The following SLCO1C1 variants were observed in gnomAD, a reference collection of about 807,000 sequenced individuals.
The protein encoded by SLCO1C1 is solute carrier organic anion transporter family member 1C1, also known as OAT-RP-5.
SLCO1C1 carries 70 observed loss-of-function variants against 76.4 expected under a neutral mutation model. The observed-to-expected ratio is 0.92, with a 90% CI of 0.76 to 1.12. The LOEUF is 1.12. Ranked by LOEUF, SLCO1C1 falls within the 50% of genes most tolerant of loss-of-function variation. SLCO1C1 has a pLI of 0.00. For synonymous variants in SLCO1C1, 306 were observed against 286.1 expected, an observed-to-expected ratio of 1.07 and a Z score of -0.70; for missense variants, 912 against 823.8, an observed-to-expected ratio of 1.11 and a Z score of -1.31.
chr12:20,740,916 G>C (rs1316145156), intron 12 of SLCO1C1, among the ~76,000 whole-genome samples: 1 of 150,008 alleles, frequency 6.7e-6, no homozygotes, highest in South Asian at 2.1e-4. Flanking sequence ...GTTAATGACT[G>C]TATTATTCCA....
chr12:20,740,246 A>G lies in SLCO1C1; in HGVS notation c.1611A>G (p.Ile537Met), dbSNP rs867227703. 3 of 1,613,924 alleles carry G rather than the reference A, an allele frequency of 1.9e-6. No homozygotes were observed. Among genetic ancestry groups the G allele is most frequent in the Non-Finnish European group, 8.5e-7 (1 of 1,179,922 alleles). Residue 537 changes from isoleucine to methionine, a missense_variant, in exon 12 of 15, where the codon ATA becomes ATG. Coordinates refer to ENST00000266509, the MANE Select transcript of SLCO1C1 (RefSeq NM_017435.5). ...AASKSGNSSG[I>M]VGRCQKDNGC... is the part of the protein sequence containing the mutation. ...CTAAATCCGGAAATTCCTCAGGCATAGTGGGAAGATGTCAGAAAGACAATG... is the reference window on the plus strand; with the variant it reads ...CTAAATCCGGAAATTCCTCAGGCATGGTGGGAAGATGTCAGAAAGACAATG...
At chr12:20,744,298 C>T (rs908264346) in intron 13 of SLCO1C1, among the ~76,000 whole-genome samples, 1 of 151,992 alleles carries the variant, frequency 6.6e-6, no homozygotes, top group African/African-American at 2.4e-5. Flanking sequence ...ATGGAGCCTA[C>T]AGAGCAAAAA....
At chr12:20,752,274 T>C (rs1362296840) in intron 14 of SLCO1C1, 32 bp from the exon 15 acceptor site, 7 of 1,395,424 alleles carry the variant, frequency 5.0e-6, no homozygotes, top group Non-Finnish European at 6.8e-6. Context: ...GGTTGTTGCA[T>C]TAATTATAAC....
intron 13 of SLCO1C1, among the ~76,000 whole-genome samples, chr12:20,747,511 A>T (rs529929458): frequency 6.6e-6 from 1 of 152,308 alleles, no homozygotes; most frequent in Non-Finnish European, 1.5e-5. Flanking sequence ...ATGATGGTAC[A>T]TGAGGGTTAA....
intron 11 of SLCO1C1, among the ~76,000 whole-genome samples, chr12:20,737,545 A>G (rs1301904721): frequency 6.6e-6 from 1 of 152,212 alleles, no homozygotes; most frequent in African/African-American, 2.4e-5. Flanking sequence ...AAGAAGTGTT[A>G]GCCCTGAATT....
Position 20,721,684 on chromosome 12 carries a change from G to A in SLCO1C1, c.776-120G>A, listed in dbSNP as rs1300552305. On this transcript the variant is annotated intron_variant, in intron 7 of 14. Coordinates refer to ENST00000266509, the MANE Select transcript of SLCO1C1 (RefSeq NM_017435.5). The stretch of plus-strand genomic sequence containing the variant: ...TCCAGATAAAAAAAAAAATAGCATA[G>A]ATGAATTATTAGGTATTTTATGATG... The A allele has an allele frequency of 1.6e-6, 2 of 1,246,176 alleles. 1 individual carries two copies. The highest frequency in any genetic ancestry group is 3.0e-5 in the African/African-American group (2 of 65,722). The allele number at this position is 1,246,176 out of a possible 1,614,324, so 77.2% of individuals were successfully genotyped here. A position where few individuals can be genotyped will look rare whatever the true frequency, so the allele number is the denominator to read the frequency against.
At chr12:20,736,244 T>C (rs1326593014) in intron 10 of SLCO1C1, among the ~76,000 whole-genome samples, 1 of 133,418 alleles carries the variant, frequency 7.5e-6, no homozygotes, top group African/African-American at 2.6e-5. Context: ...GAAGGATAAA[T>C]ATAAAAGCGA....
intron 5 of SLCO1C1, among the ~76,000 whole-genome samples, chr12:20,713,245 A>C (rs1186813883): frequency 6.6e-6 from 1 of 151,506 alleles, no homozygotes; most frequent in Non-Finnish European, 1.5e-5. Flanking sequence ...ACGCCCGGCT[A>C]ATTTTTTGTA....
chr12:20,710,970 A>G (rs1947066388), intron 4 of SLCO1C1, among the ~76,000 whole-genome samples: 1 of 152,174 alleles, frequency 6.6e-6, no homozygotes, highest in Non-Finnish European at 1.5e-5. Context: ...GTACGTGTAA[A>G]GCAGGAGTGT....
rs371982546 is a variant in SLCO1C1, at chr12:20,737,115, C to A, written c.1391C>A (p.Pro464His). ...GTTATATTTCTTTTCAGAACCAAAC[C>A]TGTCTCTTATCATGAACGAGCTCTC... is the stretch of plus-strand genomic sequence containing the variant. ...GLTVSYQGTKPVSYHERALFS... is the reference protein window; with the variant it reads ...GLTVSYQGTKHVSYHERALFS... The change falls in exon 11 of 15, where the codon CCT becomes CAT. Residue 464 changes from proline (P) to histidine (H), a missense_variant. Coordinates refer to ENST00000266509, the MANE Select transcript of SLCO1C1 (RefSeq NM_017435.5). 2 of 1,519,534 alleles carry A rather than the reference C, an allele frequency of 1.3e-6. No individual in the cohort carries two copies. Among genetic ancestry groups the A allele is most frequent in the Non-Finnish European group, 1.8e-6 (2 of 1,141,608 alleles). 94.1% of individuals were successfully genotyped at this position (1,519,534 alleles called of 1,614,324 possible). A position where few individuals can be genotyped will look rare whatever the true frequency, so the allele number is the denominator to read the frequency against.
chr12:20,735,442 G>A (rs563549472), intron 10 of SLCO1C1, among the ~76,000 whole-genome samples: 1 of 152,282 alleles, frequency 6.6e-6, no homozygotes, highest in South Asian at 2.1e-4. Context: ...TTACTCCAAT[G>A]TTCCCTCCAG....
intron 9 of SLCO1C1, among the ~76,000 whole-genome samples, chr12:20,728,206 G>A (rs1353408876): frequency 6.6e-6 from 1 of 152,046 alleles, no homozygotes; most frequent in African/African-American, 2.4e-5. Context: ...TGATGATAAG[G>A]GGTCCAGTTT....
chr12:20,700,203 G>A (rs1373788715), intron 2 of SLCO1C1: 1 of 151,284 alleles, frequency 6.6e-6, no homozygotes, highest in African/African-American at 2.4e-5. Flanking sequence ...CACTAACCAT[G>A]TACAAAGATT....
intron 8 of SLCO1C1, 137 bp downstream of exon 8, chr12:20,722,186 G>A: frequency 8.4e-7 from 1 of 1,197,162 alleles, no homozygotes; most frequent in South Asian, 1.6e-5. Flanking sequence ...GGAAATTGAT[G>A]TCAGCTTTAT....
intron 5 of SLCO1C1, among the ~76,000 whole-genome samples, chr12:20,714,877 GA>G (rs1213626046): frequency 6.6e-6 from 1 of 152,128 alleles, no homozygotes; most frequent in Non-Finnish European, 1.5e-5. Context: ...GAAATGAGAA[GA>G]AGAGAGAGAA....
At chr12:20,737,351 G>T in intron 11 of SLCO1C1, 79 bp downstream of exon 11, 2 of 1,408,500 alleles carry the variant, frequency 1.4e-6, no homozygotes, top group East Asian at 5.4e-5. Flanking sequence ...GCTCACAGCA[G>T]ACCACTACTA....
intron 1 of SLCO1C1, 57 bp from the exon 2 acceptor site, chr12:20,699,495 A>AC: frequency 7.2e-7 from 1 of 1,384,760 alleles, no homozygotes; most frequent in Non-Finnish European, 9.5e-7. Context: ...TGAATAAAAA[A>AC]ATTTAATAAA....
chr12:20,742,580 C>G (rs1948868982), intron 12 of SLCO1C1, among the ~76,000 whole-genome samples: 1 of 115,916 alleles, frequency 8.6e-6, no homozygotes, highest in Non-Finnish European at 2.1e-5. Context: ...GTCACCCAGG[C>G]TGGAGGGCAG....
intron 5 of SLCO1C1, among the ~76,000 whole-genome samples, chr12:20,714,270 A>G (rs1343670126): frequency 6.6e-6 from 1 of 152,240 alleles, no homozygotes; most frequent in Admixed American, 6.5e-5. Flanking sequence ...CAATTTAAAA[A>G]TGCCTGCAAA....
Sources: allele counts gnomAD v4.1 joint callset (sites outside exome capture counted in the v4.1 genomes callset), GRCh38; gene constraint gnomAD v4.1.1; transcripts MANE v1.5; gene names NCBI Gene and HGNC (gene_info 2026-07-23, HGNC 2026-07-21).